SETX: variants seen among roughly 807,000 people sequenced by gnomAD.
The protein encoded by SETX is senataxin.
SETX carries 90 observed loss-of-function variants against 227.2 expected under a neutral mutation model. The ratio of observed to expected loss-of-function variants is 0.40; its 90% CI spans 0.33 to 0.47. SETX has a LOEUF of 0.47. SETX is among the 20% of genes least tolerant of loss of function. The probability of loss-of-function intolerance (pLI) is 0.91; values close to 1 mark genes in which losing one functional copy is unlikely to be tolerated. For synonymous variants in SETX, 1,210 were observed against 1,113.2 expected (o/e 1.09, Z -1.73); for missense variants, 3,052 against 3,181.5 (o/e 0.96, Z 0.98).
At chr9:132,326,208 A>C in intron 10 of SETX, 116 bp downstream of exon 10, 1 of 788,954 alleles carries the variant, frequency 1.3e-6, no homozygotes, top group Admixed American at 2.1e-5. Flanking sequence ...CTGGGATTAC[A>C]GGTGCCCGCA....
chr9:132,265,109 T>C (rs561235330), intron 25 of SETX, 124 bp from the exon 26 acceptor site: 1 of 1,143,948 alleles, frequency 8.7e-7, no homozygotes, highest in South Asian at 1.4e-5. Context: ...TTCTCAAGAT[T>C]CATTACTCGT....
At chr9:132,345,178 A>C (rs1220618623) in intron 4 of SETX, among the ~76,000 whole-genome samples, 1 of 152,222 alleles carries the variant, frequency 6.6e-6, no homozygotes, top group Non-Finnish European at 1.5e-5. Flanking sequence ...CACATCCTAC[A>C]ATGGACGGCA....
intron 11 of SETX, among the ~76,000 whole-genome samples, chr9:132,302,575 G>C (rs866990148): frequency 1.2e-4 from 17 of 138,900 alleles, no homozygotes; most frequent in African/African-American, 4.8e-4. Flanking sequence ...CAGGAGAATC[G>C]CTTGAACCTG....
intron 15 of SETX, among the ~76,000 whole-genome samples, chr9:132,293,997 C>G (rs1564498813): frequency 6.6e-6 from 1 of 152,106 alleles, no homozygotes. Flanking sequence ...GCACTCCAGC[C>G]TGGGCGACAG....
At chr9:132,313,969 T>C (rs989104017) in intron 10 of SETX, among the ~76,000 whole-genome samples, 6 of 152,116 alleles carry the variant, frequency 3.9e-5, no homozygotes, top group Non-Finnish European at 8.8e-5. Flanking sequence ...TTCAGTCCTA[T>C]TGCTCTGGCT....
intron 11 of SETX, among the ~76,000 whole-genome samples, chr9:132,304,004 C>T (rs1352173057): frequency 1.3e-5 from 2 of 152,104 alleles, no homozygotes; most frequent in African/African-American, 2.4e-5. Flanking sequence ...CCTGTAAACC[C>T]AGCTACTTGG....
chr9:132,298,309 C>A lies in SETX; in HGVS notation c.5552G>T (p.Arg1851Leu). The A allele has an allele frequency of 6.2e-7, 1 of 1,613,412 alleles. No homozygotes were observed. The highest frequency in any genetic ancestry group is 8.5e-7 in the Non-Finnish European group (1 of 1,179,450). Residue 1851 changes from arginine to leucine, a missense_variant, in exon 13 of 26, where the codon CGT becomes CTT. Physicochemically the swap from Arg to Leu is moderately radical, Grantham distance 102. Coordinates refer to ENST00000224140, the MANE Select transcript of SETX (RefSeq NM_015046.7). ...VHKFRRTSVM[R>L]NGKTECYLSI... is the part of the protein sequence containing the mutation. ...AAGGTAACACTCAGTTTTCCCATTA[C>A]GCACTATCATCAAGAAAGAGAAAAA...
chr9:132,275,202 T>G (rs1372198289), intron 23 of SETX, 54 bp downstream of exon 23: 17 of 1,565,338 alleles, frequency 1.1e-5, no homozygotes, highest in Non-Finnish European at 1.5e-5. Context: ...TCCTTCTATA[T>G]CCTCTCATTC....
chr9:132,279,750 G>C (rs1441879496), intron 20 of SETX, among the ~76,000 whole-genome samples: 2 of 152,062 alleles, frequency 1.3e-5, no homozygotes, highest in East Asian at 3.9e-4. Context: ...AACAGAAAAG[G>C]AAGTTATGTA....
intron 5 of SETX, 142 bp downstream of exon 5, chr9:132,342,548 T>G: frequency 1.3e-6 from 1 of 775,222 alleles, no homozygotes; most frequent in Non-Finnish European, 2.3e-6. Context: ...CAGAGCGCCC[T>G]CTACTTAACT....
chr9:132,327,975 G>C lies in SETX; in HGVS notation c.3623C>G (p.Pro1208Arg). Residue 1208 changes from proline (P) to arginine (R), a missense_variant, in exon 10 of 26, where the codon CCC becomes CGC. Around this residue, in one of 10 missense-constraint regions of SETX, gnomAD observed 1,483 missense variants for 1,312.0 expected, o/e 1.13. Coordinates refer to ENST00000224140, the MANE Select transcript of SETX (RefSeq NM_015046.7). ...FKSIDRRTST[P>R]NSRIQRATTV... The stretch of plus-strand genomic sequence containing the variant: ...AGTGGCTCTCTGAATACGTGAATTG[G>C]GAGTTGAAGTCCTTCTATCAATACT... 6.2e-7 allele frequency: 1 copy of C among 1,613,844 alleles called. No homozygotes were observed. Among genetic ancestry groups the C allele is most frequent in the Non-Finnish European group, 8.5e-7 (1 of 1,179,944 alleles).
chr9:132,291,113 C>G (rs1343607227), intron 15 of SETX, among the ~76,000 whole-genome samples: 1 of 146,584 alleles, frequency 6.8e-6, no homozygotes, highest in Non-Finnish European at 1.5e-5. Flanking sequence ...CAGTTCAGCT[C>G]ATTTTCCTAA....
At chr9:132,320,696 CGTATGG>C (rs1349924371) in intron 10 of SETX, among the ~76,000 whole-genome samples, 1 of 150,736 alleles carries the variant, frequency 6.6e-6, no homozygotes, top group Non-Finnish European at 1.5e-5. Context: ...CGGTTGAAAT[CGTATGG>C]TTAAAAAGAA....
chr9:132,310,434 A>G (rs1845581781), intron 11 of SETX, among the ~76,000 whole-genome samples: 1 of 152,226 alleles, frequency 6.6e-6, no homozygotes, highest in East Asian at 1.9e-4. Context: ...AAGAACACTA[A>G]GAGATACATG....
chr9:132,264,029 T>C lies in SETX; in HGVS notation c.*210A>G. 1 of 629,640 alleles carries C rather than the reference T, an allele frequency of 1.6e-6. No individual in the cohort carries two copies. The highest frequency in any genetic ancestry group is 2.7e-6 in the Non-Finnish European group (1 of 364,014). 39.0% of individuals were successfully genotyped at this position (629,640 alleles called of 1,614,324 possible). On this transcript the variant is annotated 3_prime_UTR_variant, in exon 26 of 26. Coordinates refer to ENST00000224140, the MANE Select transcript of SETX (RefSeq NM_015046.7). ...CCAGTCTCTGACTTCAAGGACATTA[T>C]TACGGATACACAATGCCCTCTGAAA...
In SETX at chr9:132,311,695, TCTTA is replaced by T. The variant is rs1845669519; in HGVS notation, c.5374+58_5374+61del. On this transcript the variant is annotated intron_variant, in intron 11 of 25. Coordinates refer to ENST00000224140, the MANE Select transcript of SETX (RefSeq NM_015046.7). ...CCTAAATTCAAATAATGCTATCTCC[TCTTA>T]ATTAGAAATCTCCAATTATTATATC... 4.5e-5 allele frequency: 55 copies of T among 1,216,212 alleles called. 3 individuals carry two copies. In the South Asian group the frequency reaches 6.3e-4, roughly 14 times the overall value. 75.3% of individuals were successfully genotyped at this position (1,216,212 alleles called of 1,614,324 possible).
At chr9:132,335,130 C>A (rs906288697) in intron 6 of SETX, among the ~76,000 whole-genome samples, 1 of 152,006 alleles carries the variant, frequency 6.6e-6, no homozygotes, top group Non-Finnish European at 1.5e-5. Flanking sequence ...GTGGCTCACA[C>A]CTGTAATCCC....
In SETX at chr9:132,329,224, A is replaced by G. The variant is rs1847061216; in HGVS notation, c.2374T>C (p.Ser792Pro). 5.0e-6 allele frequency: 8 copies of G among 1,613,922 alleles called. No homozygotes were observed. In the East Asian group the frequency reaches 1.6e-4, roughly 31 times the overall value. ...VQKDEICAKL[S>P]HVIKKQHRKS... ...CTGTGTTGCTTCTTTATTACATGTG[A>G]TAACTTTGCACAGATTTCATCTTTC... Residue 792 changes from serine (S) to proline (P), a missense_variant, in exon 10 of 26, where the codon TCA becomes CCA. By Grantham distance (74) the Ser-to-Pro change is moderately conservative. Coordinates refer to ENST00000224140, the MANE Select transcript of SETX (RefSeq NM_015046.7).
chr9:132,352,580 G>GT (rs1848658744), intron 2 of SETX, among the ~76,000 whole-genome samples: 1 of 152,110 alleles, frequency 6.6e-6, no homozygotes, highest in Non-Finnish European at 1.5e-5. Context: ...GTGAAACCCC[G>GT]TATCTACTAA....
Sources: gnomAD v4.1 joint callset for allele counts (sites outside exome capture counted in the v4.1 genomes callset) on GRCh38, gnomAD v4.1.1 for gene constraint, gnomAD v4.1.1 regional missense constraint, MANE v1.5 for transcripts, NCBI Gene and HGNC (gene_info 2026-07-23, HGNC 2026-07-21) for gene names.